The following DCDC1 variants were observed in gnomAD, a reference collection of about 807,000 sequenced individuals.
DCDC1 encodes doublecortin domain containing 1, also known as doublecortin domain-containing protein 1.
In DCDC1, 200 loss-of-function variants were observed where a neutral mutation model predicts 178.3. The observed-to-expected ratio is 1.12, with a 90% CI of 1.00 to 1.26. The LOEUF (loss-of-function observed/expected upper bound fraction) is 1.26. DCDC1 is among the 50% of genes most tolerant of loss of function. The pLI is 0.00. For missense variants in DCDC1, 1,983 were observed against 1,749.2 expected, an observed-to-expected ratio of 1.13 and a Z score of -2.38; for synonymous variants, 690 against 604.8, an observed-to-expected ratio of 1.14 and a Z score of -2.07.
intron 7 of DCDC1, among the ~76,000 whole-genome samples, chr11:31,283,656 A>G (rs1262597268): frequency 6.6e-6 from 1 of 152,096 alleles, no homozygotes; most frequent in East Asian, 1.9e-4. Context: ...ACTGGTCAAA[A>G]TGCAAATGTC....
chr11:30,926,824 T>C (rs1157190617), intron 22 of DCDC1, among the ~76,000 whole-genome samples: 1 of 152,126 alleles, frequency 6.6e-6, no homozygotes, highest in East Asian at 1.9e-4. Flanking sequence ...AGGCTGGGTA[T>C]GGTGGTCCAT....
intron 9 of DCDC1, among the ~76,000 whole-genome samples, chr11:31,213,677 G>A (rs534719397): frequency 6.6e-5 from 10 of 150,550 alleles, no homozygotes; most frequent in South Asian, 2.1e-4. Flanking sequence ...CCGAGATCAC[G>A]CCACTGCACT....
At chr11:31,163,025 T>C (rs1966450401) in intron 9 of DCDC1, among the ~76,000 whole-genome samples, 3 of 152,160 alleles carry the variant, frequency 2.0e-5, no homozygotes, top group Non-Finnish European at 4.4e-5. Context: ...CCCTCAAATC[T>C]AGCACTTCCC....
chr11:31,105,966 A>C (rs1486206753), intron 13 of DCDC1, among the ~76,000 whole-genome samples: 1 of 152,206 alleles, frequency 6.6e-6, no homozygotes, highest in East Asian at 1.9e-4. Flanking sequence ...TAAAAAAATT[A>C]AAAATAGAGA....
intron 8 of DCDC1, among the ~76,000 whole-genome samples, chr11:31,249,601 T>G (rs1368958795): frequency 6.6e-6 from 1 of 152,160 alleles, no homozygotes; most frequent in Non-Finnish European, 1.5e-5. Context: ...GAATGAAGAC[T>G]TCCTGAGCAG....
At chr11:31,203,563 G>T (rs868750311) in intron 9 of DCDC1, among the ~76,000 whole-genome samples, 3 of 152,130 alleles carry the variant, frequency 2.0e-5, no homozygotes, top group Admixed American at 6.5e-5. Context: ...CTACCCAGGG[G>T]CTCCCCTGTT....
At chr11:31,071,885 G>A (rs1956588302) in intron 18 of DCDC1, among the ~76,000 whole-genome samples, 1 of 152,148 alleles carries the variant, frequency 6.6e-6, no homozygotes, top group East Asian at 1.9e-4. Context: ...TTCCAGCCTT[G>A]GTCAAGCCTC....
At chr11:31,176,582 C>A (rs1427961034) in intron 9 of DCDC1, among the ~76,000 whole-genome samples, 1 of 152,050 alleles carries the variant, frequency 6.6e-6, no homozygotes, top group African/African-American at 2.4e-5. Flanking sequence ...CAAAAAGATC[C>A]TCTGCCAGGC....
chr11:30,887,969 C>T (rs1466540465), intron 36 of DCDC1, among the ~76,000 whole-genome samples: 2 of 146,256 alleles, frequency 1.4e-5, no homozygotes, highest in African/African-American at 5.1e-5. Flanking sequence ...TGCCATTGCA[C>T]TCCAGCCTGG....
At chr11:31,237,374 A>G (rs1976589825) in intron 9 of DCDC1, among the ~76,000 whole-genome samples, 1 of 151,970 alleles carries the variant, frequency 6.6e-6, no homozygotes, top group African/African-American at 2.4e-5. Context: ...TACAATTTAA[A>G]AAGTAAAACC....
chr11:31,046,063 C>T (rs1954816947), intron 20 of DCDC1, among the ~76,000 whole-genome samples: 1 of 152,260 alleles, frequency 6.6e-6, no homozygotes, highest in Non-Finnish European at 1.5e-5. Flanking sequence ...ATATGTAACA[C>T]ATCACAATCA....
intron 20 of DCDC1, among the ~76,000 whole-genome samples, chr11:31,034,057 T>A (rs1187627721): frequency 1.3e-5 from 2 of 151,030 alleles, no homozygotes; most frequent in Non-Finnish European, 2.9e-5. Context: ...GGTAGGAGAA[T>A]TGCTTGAACC....
At chr11:31,001,962 T>G (rs1294086386) in intron 20 of DCDC1, among the ~76,000 whole-genome samples, 1 of 152,244 alleles carries the variant, frequency 6.6e-6, no homozygotes, top group Non-Finnish European at 1.5e-5. Flanking sequence ...TATTGCAATG[T>G]AAATATGCTA....
intron 1 of DCDC1, among the ~76,000 whole-genome samples, chr11:31,343,121 T>C (rs1477078491): frequency 1.3e-5 from 2 of 152,042 alleles, no homozygotes; most frequent in Non-Finnish European, 2.9e-5. Context: ...AATTTTAAAA[T>C]ATTAGCCAGG....
chr11:30,951,998 A>T (rs1366417736), intron 21 of DCDC1, among the ~76,000 whole-genome samples: 2 of 152,204 alleles, frequency 1.3e-5, no homozygotes, highest in East Asian at 1.9e-4. Context: ...AGCCCCTCTA[A>T]AACAGAAGAA....
At chr11:31,283,971 C>CCTCTCTCTCT (rs35150053) in intron 7 of DCDC1, among the ~76,000 whole-genome samples, 1 of 148,468 alleles carries the variant, frequency 6.7e-6, no homozygotes, top group Non-Finnish European at 1.5e-5. Flanking sequence ...TCTTTCCCTC[C>CCTCTCTCTCT]CTCTCTCTCT....
intron 22 of DCDC1, among the ~76,000 whole-genome samples, chr11:30,931,095 G>C (rs1411199603): frequency 1.3e-5 from 2 of 151,970 alleles, no homozygotes; most frequent in African/African-American, 4.8e-5. Flanking sequence ...AATAATATGA[G>C]AAACAATGTG....
chr11:30,888,120 A>AAGAAAGAG, intron 36 of DCDC1, among the ~76,000 whole-genome samples: 1 of 145,484 alleles, frequency 6.9e-6, no homozygotes, highest in East Asian at 2.0e-4. Flanking sequence ...GAAAGAAAGA[A>AAGAAAGAG]AGAAAGAAAG....
At position 31,200,779 on chromosome 11, in the gene DCDC1, C is replaced by T. The variant is rs1482086706; in HGVS notation, c.1221+40671G>A. On this transcript the variant is annotated intron_variant, in intron 9 of 38. Transcript: ENST00000684477. The stretch of plus-strand genomic sequence containing the variant: ...GTAAAATTTATTGACAGCATGCTAT[C>T]ATTGGCTACTAATAACTAACCTATA... Among the ~76,000 whole-genome samples, 17 of 151,974 alleles carry T rather than the reference C, an allele frequency of 1.1e-4. No individual in the cohort carries two copies. In the East Asian group the frequency reaches 3.1e-3, roughly 28 times the overall value.
Sources: allele counts gnomAD v4.1 joint callset (sites outside exome capture counted in the v4.1 genomes callset), GRCh38; gene constraint gnomAD v4.1.1; transcripts MANE v1.5; gene names NCBI Gene and HGNC (gene_info 2026-07-23, HGNC 2026-07-21).